The following SLC6A18 variants were observed in gnomAD, a reference collection of about 807,000 sequenced individuals.
SLC6A18 encodes inactive sodium-dependent neutral amino acid transporter B(0)AT3.
Under a neutral mutation model 62.9 loss-of-function variants are expected in SLC6A18, and 58 were observed. The observed-to-expected ratio is 0.92, with a 90% CI of 0.75 to 1.15. SLC6A18 has a LOEUF of 1.15. Ranked by LOEUF, SLC6A18 falls within the 50% of genes most tolerant of loss-of-function variation. The probability of loss-of-function intolerance (pLI) is 0.00; values close to 1 mark genes in which losing one functional copy is unlikely to be tolerated. For missense variants in SLC6A18, 793 were observed against 836.6 expected (o/e 0.95, Z 0.64); for synonymous variants, 382 against 365.8 (o/e 1.04, Z -0.51).
intron 1 of SLC6A18, among the ~76,000 whole-genome samples, chr5:1,229,043 C>T (rs753234044): frequency 2.6e-4 from 39 of 152,248 alleles, no homozygotes; most frequent in Non-Finnish European, 4.6e-4. Context: ...AAGTGCCCTC[C>T]GTGCTGGACT....
rs868575398 is a variant in SLC6A18, at chr5:1,243,867, G to A, written c.1336+108G>A. On this transcript the variant is annotated intron_variant, in intron 9 of 11. Transcript: ENST00000324642. The surrounding 1 kb of genome is among the most constrained non-coding windows in gnomAD (Gnocchi z 6.5). ...CTGGATGGAGAGCGCAAGGGGCCAA[G>A]CCTGAGTTCAGGGAAAGGCTGAGCC... 21 of 1,097,410 alleles carry A rather than the reference G, an allele frequency of 1.9e-5. No individual in the cohort carries two copies. The African/African-American group carries it at 2.8e-4, about 15-fold the overall frequency. 68.0% of individuals were successfully genotyped at this position (1,097,410 alleles called of 1,614,324 possible).
chr5:1,231,548 G>A (rs567054870), intron 1 of SLC6A18, among the ~76,000 whole-genome samples: 34 of 152,302 alleles, frequency 2.2e-4, no homozygotes, highest in African/African-American at 7.9e-4. Flanking sequence ...CCCTCAAGCC[G>A]CCCTGGGGTC....
rs755742789 is a variant in SLC6A18 at position 1,237,949 on chromosome 5, G to C, written c.622-1G>C. ...CTCATGACTCCACCTTTTGTTTCAA[G>C]GTGATTTACTTCACAGCTTTGTTCC... is the stretch of plus-strand genomic sequence containing the variant. On this transcript the variant is annotated splice_acceptor_variant, in intron 4 of 11. Transcript: ENST00000324642. LOFTEE classifies it high-confidence loss of function. 3.1e-6 allele frequency: 5 copies of C among 1,613,302 alleles called. No homozygotes were observed. The highest frequency in any genetic ancestry group is 1.7e-4 in the Middle Eastern group (1 of 6,060).
chr5:1,233,793 G>C (rs541793781), intron 3 of SLC6A18, among the ~76,000 whole-genome samples: 15 of 149,482 alleles, frequency 1.0e-4, no homozygotes, highest in East Asian at 3.9e-4. Context: ...CCAGGCTGGA[G>C]TGCAGTGGTG....
At position 1,245,972 on chromosome 5, in the gene SLC6A18, G is replaced by A. The variant is rs777393132; in HGVS notation, c.1781G>A (p.Arg594Gln). ...VAALAQLLTR[R>Q]RRTWRDRDAR... ...GCGCTTGCTCAGCTGCTCACCCGGC[G>A]GAGGCGGACGTGGAGGGACAGGGAC... Residue 594 changes from arginine (R) to glutamine (Q), a missense_variant, in exon 12 of 12, where the codon CGG becomes CAG. Transcript: ENST00000324642. 4.4e-6 allele frequency: 7 copies of A among 1,600,622 alleles called. No homozygotes were observed. The highest frequency in any genetic ancestry group is 5.1e-6 in the Non-Finnish European group (6 of 1,178,736).
Position 1,245,985 on chromosome 5 carries a change from G to A in SLC6A18, c.1794G>A (p.Trp598Ter), listed in dbSNP as rs200825259. Residue 598 changes from tryptophan to a stop codon, truncating the protein, a stop_gained, in exon 12 of 12, where the codon TGG becomes TGA. Transcript: ENST00000324642. LOFTEE classifies it low-confidence loss of function (END_TRUNC). ...AQLLTRRRRT[W>*]RDRDARPDTD... The stretch of plus-strand genomic sequence containing the variant: ...TGCTCACCCGGCGGAGGCGGACGTG[G>A]AGGGACAGGGACGCGCGCCCAGACA... The A allele has an allele frequency of 2.1e-4, 333 of 1,599,078 alleles. No individual in the cohort carries two copies. Among genetic ancestry groups the A allele is most frequent in the Middle Eastern group, 3.3e-4 (2 of 6,066 alleles).
intron 5 of SLC6A18, among the ~76,000 whole-genome samples, 165 bp from the exon 6 acceptor site, chr5:1,239,285 C>T (rs1345360700): frequency 6.6e-6 from 1 of 152,264 alleles, no homozygotes; most frequent in Non-Finnish European, 1.5e-5. Context: ...GCTGCCACTC[C>T]ACACCTGCAC....
At position 1,243,704 on chromosome 5, in the gene SLC6A18, A is replaced by T. The variant is rs1172610797; in HGVS notation, c.1281A>T (p.Thr427=). ...TCGGGACCGTGGAGGCGGTCATCAC[A>T]CCCCTGCTGGACGTGGGGGTCCTGC... ...TMFGTVEAVI[T]PLLDVGVLPR... The change falls in exon 9 of 12, where the codon ACA becomes ACT. Residue 427 remains threonine (T), a synonymous_variant. Transcript: ENST00000324642. The surrounding 1 kb of genome is among the most constrained non-coding windows in gnomAD (Gnocchi z 6.5). The T allele has an allele frequency of 6.2e-7, 1 of 1,613,528 alleles. No homozygotes were observed. Among genetic ancestry groups the T allele is most frequent in the Admixed American group, 1.7e-5 (1 of 59,990 alleles).
chr5:1,244,256 C>A lies in SLC6A18; in HGVS notation c.1379C>A (p.Thr460Lys). 1.9e-6 allele frequency: 3 copies of A among 1,591,178 alleles called. No individual in the cohort carries two copies. Among genetic ancestry groups the A allele is most frequent in the Non-Finnish European group, 1.7e-6 (2 of 1,165,018 alleles). ...TGCTTCCTCTCCGCCACCTGCTTCACGCTGCAGTCTGGGAACTACTGGCTG... is the reference window on the plus strand; with the variant it reads ...TGCTTCCTCTCCGCCACCTGCTTCAAGCTGCAGTCTGGGAACTACTGGCTG... ...LVCFLSATCFTLQSGNYWLEI... is the reference protein window; with the variant it reads ...LVCFLSATCFKLQSGNYWLEI... Residue 460 changes from threonine (T) to lysine (K), a missense_variant, in exon 10 of 12, where the codon ACG becomes AAG. Coordinates refer to ENST00000324642, the MANE Select transcript of SLC6A18 (RefSeq NM_182632.3).
chr5:1,230,266 C>T (rs1746695927), intron 1 of SLC6A18, among the ~76,000 whole-genome samples: 1 of 152,064 alleles, frequency 6.6e-6, no homozygotes, highest in Non-Finnish European at 1.5e-5. Context: ...TGGGGGTGTC[C>T]CCCCATTCAC....
chr5:1,240,950 G>T (rs993491478), intron 7 of SLC6A18, among the ~76,000 whole-genome samples: 3 of 152,194 alleles, frequency 2.0e-5, no homozygotes, highest in African/African-American at 7.2e-5. Flanking sequence ...AGACACAGAG[G>T]AGGAGGCCAC....
intron 10 of SLC6A18, 22 bp from the exon 11 acceptor site, chr5:1,244,586 C>T: frequency 6.3e-7 from 1 of 1,577,528 alleles, no homozygotes; most frequent in Non-Finnish European, 8.6e-7. Context: ...CATGTGAAGC[C>T]TGAGCCCAGC....
rs1746930621 is a variant in SLC6A18 at position 1,238,048 on chromosome 5, G to A, written c.720G>A (p.Leu240=). Residue 240 remains leucine, a synonymous_variant, in exon 5 of 12, where the codon TTG becomes TTA. Coordinates refer to ENST00000324642, the MANE Select transcript of SLC6A18 (RefSeq NM_182632.3). ...GGGCAACAAAAGGACTCATCTACTT[G>A]TTCACTCCCAACGTAAGTGGGTCTT... The part of the protein sequence containing the change: ...LPGATKGLIY[L]FTPNMHILQN... 1 of 1,613,894 alleles carries A rather than the reference G, an allele frequency of 6.2e-7. No homozygotes were observed. Among genetic ancestry groups the A allele is most frequent in the Non-Finnish European group, 8.5e-7 (1 of 1,179,776 alleles).
At chr5:1,234,567 G>A (rs1292574775) in intron 3 of SLC6A18, among the ~76,000 whole-genome samples, 1 of 152,258 alleles carries the variant, frequency 6.6e-6, no homozygotes, top group African/African-American at 2.4e-5. Flanking sequence ...TTTTCAGGCA[G>A]GCCGAGAGGA....
At chr5:1,227,832 G>A (rs939605378) in intron 1 of SLC6A18, among the ~76,000 whole-genome samples, 2 of 152,166 alleles carry the variant, frequency 1.3e-5, no homozygotes, top group African/African-American at 2.4e-5. Context: ...AATGCCAAGC[G>A]ATGGGTTCAG....
chr5:1,244,076 G>C, intron 9 of SLC6A18, 138 bp from the exon 10 acceptor site: 1 of 707,108 alleles, frequency 1.4e-6, no homozygotes, highest in Non-Finnish European at 2.3e-6. Flanking sequence ...GTGGGAAGCC[G>C]AGAGAAGTCT....
At chr5:1,237,240 C>CA (rs61528804) in intron 4 of SLC6A18, among the ~76,000 whole-genome samples, 21,026 of 76,402 alleles carry the variant, frequency 0.28, 2,644 homozygotes, top group South Asian at 0.38. Flanking sequence ...GACTCTGTCT[C>CA]AAAAAAAAAA....
intron 7 of SLC6A18, 47 bp from the exon 8 acceptor site, chr5:1,242,660 G>A (rs1378334902): frequency 6.4e-7 from 1 of 1,559,020 alleles, no homozygotes; most frequent in Admixed American, 1.9e-5. Context: ...CTCTGGATGT[G>A]TTTGGGAACC....
intron 1 of SLC6A18, among the ~76,000 whole-genome samples, chr5:1,228,556 C>T (rs1334888834): frequency 6.6e-6 from 1 of 152,130 alleles, no homozygotes. Context: ...CTGCGTGGAT[C>T]GATTGTAACA....
Sources: gnomAD v4.1 joint callset for allele counts (sites outside exome capture counted in the v4.1 genomes callset) on GRCh38, gnomAD v4.1.1 for gene constraint, Gnocchi (gnomAD v3.1) non-coding constraint, MANE v1.5 for transcripts, NCBI Gene and HGNC (gene_info 2026-07-23, HGNC 2026-07-21) for gene names.